Variants in CPA6 observed in about 807,000 individuals in gnomAD.
CPA6 encodes the protein carboxypeptidase B.
In CPA6, 58 loss-of-function variants were observed where a neutral mutation model predicts 63.3. That is an observed-to-expected ratio of 0.92 (90% CI 0.74 to 1.14). CPA6 has a LOEUF of 1.14. CPA6 is among the 50% of genes most tolerant of loss of function. CPA6 has a pLI of 0.00. For synonymous variants in CPA6, 185 were observed against 179.0 expected (o/e 1.03, Z -0.27); for missense variants, 565 against 526.6 (o/e 1.07, Z -0.71).
At chr8:67,551,883 G>A (rs1429921483) in intron 2 of CPA6, among the ~76,000 whole-genome samples, 1 of 152,058 alleles carries the variant, frequency 6.6e-6, no homozygotes, top group East Asian at 1.9e-4. Flanking sequence ...GAGTTGCCTT[G>A]GTGTAAATTT....
intron 6 of CPA6, among the ~76,000 whole-genome samples, chr8:67,502,523 G>T (rs1811848814): frequency 6.6e-6 from 1 of 151,886 alleles, no homozygotes; most frequent in South Asian, 2.1e-4. Context: ...CCTTCCTTCT[G>T]CATGCTTTGG....
intron 1 of CPA6, among the ~76,000 whole-genome samples, chr8:67,631,485 T>C (rs948187188): frequency 6.6e-6 from 1 of 152,088 alleles, no homozygotes; most frequent in Non-Finnish European, 1.5e-5. Flanking sequence ...TGGAGAACTT[T>C]CGTGTCTAGC....
chr8:67,577,404 T>C (rs556250382), intron 2 of CPA6, among the ~76,000 whole-genome samples: 26 of 152,294 alleles, frequency 1.7e-4, no homozygotes, highest in African/African-American at 5.8e-4. Context: ...AGCTTTGTAG[T>C]AAATTCATCT....
intron 2 of CPA6, among the ~76,000 whole-genome samples, chr8:67,546,086 T>A (rs922953515): frequency 1.3e-5 from 2 of 152,036 alleles, no homozygotes; most frequent in African/African-American, 4.8e-5. Flanking sequence ...CCTTACTATA[T>A]CCCTCCCACC....
At chr8:67,493,704 G>T (rs2128962696) in intron 6 of CPA6, among the ~76,000 whole-genome samples, 1 of 152,308 alleles carries the variant, frequency 6.6e-6, no homozygotes, top group Admixed American at 6.5e-5. Flanking sequence ...GAAGGGTGAG[G>T]TTTCACATTA....
intron 8 of CPA6, among the ~76,000 whole-genome samples, chr8:67,445,422 C>A (rs1334892058): frequency 1.3e-5 from 2 of 152,190 alleles, no homozygotes; most frequent in Non-Finnish European, 2.9e-5. Context: ...TCTTTGATTC[C>A]TCATCCCATC....
At chr8:67,624,506 G>A (rs1259923663) in intron 1 of CPA6, among the ~76,000 whole-genome samples, 1 of 152,180 alleles carries the variant, frequency 6.6e-6, no homozygotes, top group Non-Finnish European at 1.5e-5. Flanking sequence ...GCAGAAAAAG[G>A]CCAAAAACAC....
At chr8:67,676,618 G>A (rs1816480284) in intron 1 of CPA6, among the ~76,000 whole-genome samples, 1 of 152,108 alleles carries the variant, frequency 6.6e-6, no homozygotes, top group Admixed American at 6.5e-5. Context: ...GAAATAACTG[G>A]CACCAACTGT....
In CPA6 at chr8:67,518,017, A is replaced by G. The variant is rs199991326; in HGVS notation, c.223T>C (p.Tyr75His). ...VDLWQPSSIS[Y>H]VSEGTVTDVH... ...TCAGTAACTGTTCCCTCTGATACAT[A>G]GGAGATACTGCTGGGCTGCCACAGG... The change falls in exon 3 of 11, where the codon TAT (tyrosine) becomes CAT (histidine). Residue 75 changes from tyrosine to histidine, a missense_variant. Physicochemically the swap from Tyr to His is moderately conservative, Grantham distance 83 (BLOSUM62 2). Coordinates refer to ENST00000297770, the MANE Select transcript of CPA6 (RefSeq NM_020361.5). The G allele has an allele frequency of 2.5e-6, 4 of 1,610,424 alleles. No individual in the cohort carries two copies. The highest frequency in any genetic ancestry group is 3.4e-5 in the Admixed American group (2 of 59,074).
chr8:67,703,632 G>A (rs913453731), intron 1 of CPA6, among the ~76,000 whole-genome samples: 4 of 152,182 alleles, frequency 2.6e-5, no homozygotes, highest in Non-Finnish European at 5.9e-5. Context: ...CATGGCTCTT[G>A]CTGCATTTGT....
At chr8:67,453,027 A>T (rs1810588313) in intron 8 of CPA6, among the ~76,000 whole-genome samples, 1 of 152,198 alleles carries the variant, frequency 6.6e-6, no homozygotes, top group Non-Finnish European at 1.5e-5. Context: ...ATGGGGAGCC[A>T]CTGCAGCATT....
chr8:67,724,647 C>T (rs550628397), intron 1 of CPA6, among the ~76,000 whole-genome samples: 10 of 152,206 alleles, frequency 6.6e-5, no homozygotes, highest in Non-Finnish European at 1.2e-4. Flanking sequence ...TGAGACAACC[C>T]AAGACAAAGT....
chr8:67,635,900 G>C (rs1815457903), intron 1 of CPA6, among the ~76,000 whole-genome samples: 1 of 151,562 alleles, frequency 6.6e-6, no homozygotes, highest in South Asian at 2.1e-4. Flanking sequence ...TTCTAATGTT[G>C]CCCTTCACAA....
intron 2 of CPA6, among the ~76,000 whole-genome samples, chr8:67,575,278 C>T (rs117573444): frequency 0.05 from 7,590 of 152,264 alleles, 283 homozygotes; most frequent in Non-Finnish European, 0.083. Flanking sequence ...TTCTTGTACA[C>T]TGTTGGTGGG....
chr8:67,474,904 C>T (rs965518342), intron 8 of CPA6, among the ~76,000 whole-genome samples: 6 of 152,130 alleles, frequency 3.9e-5, no homozygotes, highest in East Asian at 1.9e-4. Context: ...TTGATTGAAC[C>T]GAAGATGTTG....
intron 2 of CPA6, among the ~76,000 whole-genome samples, chr8:67,553,386 C>G (rs187262699): frequency 1.3e-5 from 2 of 152,250 alleles, no homozygotes; most frequent in Middle Eastern, 3.4e-3. Context: ...AGGAGAAAAA[C>G]AGATAAACAA....
At chr8:67,697,705 A>C (rs557364052) in intron 1 of CPA6, among the ~76,000 whole-genome samples, 1 of 152,100 alleles carries the variant, frequency 6.6e-6, no homozygotes, top group South Asian at 2.1e-4. Context: ...TTCATCAGGT[A>C]CTCTCGCAAG....
chr8:67,506,777 T>C lies in CPA6; in HGVS notation c.636+10A>G, dbSNP rs1404895881. The C allele has an allele frequency of 6.4e-7, 1 of 1,569,880 alleles. No homozygotes were observed. The highest frequency in any genetic ancestry group is 1.1e-5 in the South Asian group (1 of 90,164). ...GCTGAAATGGACATTGTGTAAAGGG[T>C]TTAACTTACTTCTTTTACAAACCAC... On this transcript the variant is annotated intron_variant, in intron 6 of 10. Coordinates refer to ENST00000297770, the MANE Select transcript of CPA6 (RefSeq NM_020361.5).
intron 1 of CPA6, among the ~76,000 whole-genome samples, chr8:67,725,188 T>C (rs1486230229): frequency 1.3e-5 from 2 of 152,234 alleles, no homozygotes; most frequent in African/African-American, 2.4e-5. Flanking sequence ...ATTTATATCA[T>C]AGCTGTTGTA....
Sources: allele counts gnomAD v4.1 joint callset (sites outside exome capture counted in the v4.1 genomes callset), GRCh38; gene constraint gnomAD v4.1.1; transcripts MANE v1.5; gene names NCBI Gene and HGNC (gene_info 2026-07-23, HGNC 2026-07-21).